OLFML2A: variants seen among roughly 807,000 people sequenced by gnomAD.
The protein encoded by OLFML2A is olfactomedin like 2A, also known as olfactomedin-like protein 2A.
A neutral mutation model predicts 60.9 loss-of-function variants in OLFML2A; 47 were observed. The ratio of observed to expected loss-of-function variants is 0.77; its 90% CI spans 0.61 to 0.98. The LOEUF (loss-of-function observed/expected upper bound fraction) is 0.98, where lower values mean the gene tolerates loss of function less well. Ranked by LOEUF, OLFML2A falls within the 50% of genes least tolerant of loss-of-function variation. The pLI is 0.00. For missense variants in OLFML2A, 922 were observed against 879.8 expected (o/e 1.05, Z -0.61); for synonymous variants, 372 against 375.0 (o/e 0.99, Z 0.09).
intron 1 of OLFML2A, among the ~76,000 whole-genome samples, chr9:124,786,495 C>T (rs1189011256): frequency 1.3e-5 from 2 of 151,746 alleles, no homozygotes; most frequent in African/African-American, 4.8e-5. Flanking sequence ...CCGAGGCGGG[C>T]GGATCACAAG....
intron 2 of OLFML2A, among the ~76,000 whole-genome samples, chr9:124,788,415 G>A (rs1217689987): frequency 6.6e-6 from 1 of 152,006 alleles, no homozygotes; most frequent in Non-Finnish European, 1.5e-5. Flanking sequence ...AGAGCACCCT[G>A]GCCAACGTGG....
chr9:124,789,665 G>A (rs1841537477), intron 2 of OLFML2A, among the ~76,000 whole-genome samples: 1 of 152,216 alleles, frequency 6.6e-6, no homozygotes, highest in African/African-American at 2.4e-5. Context: ...CTGCACGCAA[G>A]TCATGCAGAA....
At chr9:124,799,841 C>A (rs1266077526) in intron 4 of OLFML2A, among the ~76,000 whole-genome samples, 9 of 152,170 alleles carry the variant, frequency 5.9e-5, no homozygotes, top group African/African-American at 2.2e-4. Flanking sequence ...TTGGCTGCAG[C>A]AAAACCACTT....
chr9:124,787,880 A>G (rs1841506123), intron 2 of OLFML2A, among the ~76,000 whole-genome samples: 1 of 151,944 alleles, frequency 6.6e-6, no homozygotes, highest in Non-Finnish European at 1.5e-5. Flanking sequence ...CTTAAACCAT[A>G]CTGTGAAATA....
At chr9:124,781,553 G>C (rs1361824458) in intron 1 of OLFML2A, among the ~76,000 whole-genome samples, 1 of 152,142 alleles carries the variant, frequency 6.6e-6, no homozygotes, top group Non-Finnish European at 1.5e-5. Flanking sequence ...CAGCACTTTG[G>C]GAGCCCAAGG....
rs562846566 is a variant in OLFML2A at position 124,814,138 on chromosome 9, C to G, written c.*3726C>G. On this transcript the variant is annotated 3_prime_UTR_variant, in exon 8 of 8. Coordinates refer to ENST00000373580, the MANE Select transcript of OLFML2A (RefSeq NM_182487.4). Reference sequence around the variant, plus strand: ...GGTAGAGAATGGAGCTCCCGCCTTGCGGGCAGTGCTAAAGGTGGAGCTGGG... The same window carrying G: ...GGTAGAGAATGGAGCTCCCGCCTTGGGGGCAGTGCTAAAGGTGGAGCTGGG... 6.6e-6 allele frequency: 1 copy of G among 152,202 alleles called. No individual in the cohort carries two copies. The highest frequency in any genetic ancestry group is 2.4e-5 in the African/African-American group (1 of 41,442). 9.4% of individuals were successfully genotyped at this position (152,202 alleles called of 1,614,324 possible). A position where few individuals can be genotyped will look rare whatever the true frequency, so the allele number is the denominator to read the frequency against.
Position 124,798,425 on chromosome 9 carries a change from C to T in OLFML2A, c.463-860C>T, listed in dbSNP as rs1017002574. ...GCTAGGTAGGAGAATCACTTGAGCC[C>T]GGGAGGAAGAGGTTGTCGCAGTGAA... On this transcript the variant is annotated intron_variant, in intron 3 of 7. Transcript: ENST00000373580. 5.9e-5 allele frequency among the ~76,000 whole-genome samples: 9 copies of T among 151,946 alleles called. No individual in the cohort carries two copies. The South Asian group carries it at 1.2e-3, about 21-fold the overall frequency.
intron 4 of OLFML2A, 127 bp downstream of exon 4, chr9:124,799,618 A>G (rs1588885889): frequency 1.3e-6 from 1 of 746,174 alleles, no homozygotes; most frequent in East Asian, 2.7e-5. Context: ...GAGGACTGGC[A>G]CAGCCAGAGA....
At chr9:124,794,398 C>T (rs969918911) in intron 2 of OLFML2A, among the ~76,000 whole-genome samples, 1 of 152,228 alleles carries the variant, frequency 6.6e-6, no homozygotes, top group South Asian at 2.1e-4. Context: ...TCCGGACAAA[C>T]TCCTCCAGTG....
chr9:124,789,330 C>T (rs750471241), intron 2 of OLFML2A, among the ~76,000 whole-genome samples: 1 of 152,198 alleles, frequency 6.6e-6, no homozygotes, highest in Non-Finnish European at 1.5e-5. Context: ...TGTTACCCTA[C>T]TTGTAAGCTA....
intron 6 of OLFML2A, among the ~76,000 whole-genome samples, chr9:124,807,299 T>TTTTTG (rs1841915008): frequency 1.3e-5 from 2 of 150,944 alleles, no homozygotes; most frequent in Non-Finnish European, 3.0e-5. Context: ...ATTCTCTTTT[T>TTTTTG]TTTTTTTGAG....
Position 124,807,891 on chromosome 9 carries a change from G to C in OLFML2A, c.1279G>C (p.Asp427His), listed in dbSNP as rs202197796. The stretch of plus-strand genomic sequence containing the variant: ...GATGAAGGACCCTGCAGCTCGAGAC[G>C]ACAGGATCTATGTCACCAACTACTA... ...AWMKDPAARD[D>H]RIYVTNYYYG... Residue 427 changes from aspartate to histidine, a missense_variant, in exon 7 of 8, where the codon GAC becomes CAC. By Grantham distance (81) the Asp-to-His change is moderately conservative (BLOSUM62 -1). Transcript: ENST00000373580. The C allele has an allele frequency of 6.2e-7, 1 of 1,614,146 alleles. No individual in the cohort carries two copies. The highest frequency in any genetic ancestry group is 1.1e-5 in the South Asian group (1 of 91,080).
At chr9:124,783,203 A>G (rs1247527415) in intron 1 of OLFML2A, among the ~76,000 whole-genome samples, 1 of 151,974 alleles carries the variant, frequency 6.6e-6, no homozygotes, top group Non-Finnish European at 1.5e-5. Context: ...CAGGCATGGT[A>G]GCTCACGCCT....
intron 2 of OLFML2A, among the ~76,000 whole-genome samples, chr9:124,794,631 C>CT (rs1332078802): frequency 4.6e-5 from 7 of 151,702 alleles, no homozygotes; most frequent in East Asian, 1.9e-4. Flanking sequence ...TATTATTATT[C>CT]TTTTTTTTGG....
chr9:124,814,086 A>T lies in OLFML2A; in HGVS notation c.*3674A>T, dbSNP rs1233442677. On this transcript the variant is annotated 3_prime_UTR_variant, in exon 8 of 8. Coordinates refer to ENST00000373580, the MANE Select transcript of OLFML2A (RefSeq NM_182487.4). ...TTCCCCCTAGAGATGTCCAGGCCTT[A>T]CATTTAATCGGCTTTCTCTGCGGTG... 1 of 152,256 alleles carries T rather than the reference A, an allele frequency of 6.6e-6. No individual in the cohort carries two copies. The highest frequency in any genetic ancestry group is 2.4e-5 in the African/African-American group (1 of 41,472). 9.4% of individuals were successfully genotyped at this position (152,256 alleles called of 1,614,324 possible). A position where few individuals can be genotyped will look rare whatever the true frequency, so the allele number is the denominator to read the frequency against.
intron 3 of OLFML2A, among the ~76,000 whole-genome samples, chr9:124,798,464 G>T (rs1212499128): frequency 1.3e-5 from 2 of 152,032 alleles, no homozygotes; most frequent in East Asian, 1.9e-4. Context: ...CTTGCAGTGA[G>T]CCAAGATCGC....
chr9:124,791,927 T>G (rs987295778), intron 2 of OLFML2A, among the ~76,000 whole-genome samples: 1 of 152,156 alleles, frequency 6.6e-6, no homozygotes, highest in South Asian at 2.1e-4. Flanking sequence ...ATTTTGAACC[T>G]GTGCTGCTCA....
intron 2 of OLFML2A, among the ~76,000 whole-genome samples, chr9:124,789,886 C>T (rs990086555): frequency 6.6e-6 from 1 of 152,192 alleles, no homozygotes; most frequent in Non-Finnish European, 1.5e-5. Flanking sequence ...TCACTTAGGA[C>T]CCTGCAGACT....
chr9:124,785,017 G>GATC (rs1189164302), intron 1 of OLFML2A, among the ~76,000 whole-genome samples: 4 of 128,036 alleles, frequency 3.1e-5, no homozygotes, highest in African/African-American at 1.2e-4. Flanking sequence ...GCAGTGGCCT[G>GATC]ATCATGGCTC....
Sources: gnomAD v4.1 joint callset for allele counts (sites outside exome capture counted in the v4.1 genomes callset) on GRCh38, gnomAD v4.1.1 for gene constraint, MANE v1.5 for transcripts, NCBI Gene and HGNC (gene_info 2026-07-23, HGNC 2026-07-21) for gene names.